Variants in PTPRN2 observed in about 807,000 individuals in gnomAD.
PTPRN2 encodes protein tyrosine phosphatase receptor type N2.
A neutral mutation model predicts 118.8 loss-of-function variants in PTPRN2; 74 were observed. The ratio of observed to expected loss-of-function variants is 0.62; its 90% confidence interval spans 0.52 to 0.76. The LOEUF (loss-of-function observed/expected upper bound fraction) is 0.76, where lower values mean the gene tolerates loss of function less well. Ranked by LOEUF, PTPRN2 falls within the 30% of genes least tolerant of loss-of-function variation. The probability of loss-of-function intolerance (pLI) is 0.00; values close to 1 mark genes in which losing one functional copy is unlikely to be tolerated. For missense variants in PTPRN2, 1,481 were observed against 1,394.4 expected, an observed-to-expected ratio of 1.06 and a Z score of -0.99; for synonymous variants, 641 against 608.0, an observed-to-expected ratio of 1.05 and a Z score of -0.80.
intron 12 of PTPRN2, among the ~76,000 whole-genome samples, chr7:157,898,399 G>T (rs1797253784): frequency 6.6e-6 from 1 of 152,188 alleles, no homozygotes; most frequent in Admixed American, 6.5e-5. Flanking sequence ...TTTTCTGAAG[G>T]CTTCTCCGTT....
intron 12 of PTPRN2, among the ~76,000 whole-genome samples, chr7:157,817,267 G>A (rs1348698282): frequency 3.9e-5 from 6 of 152,194 alleles, no homozygotes; most frequent in African/African-American, 1.2e-4. Context: ...CATTTTGCTG[G>A]TGCGCTGGGG....
chr7:158,070,987 TG>T (rs1303753047), intron 11 of PTPRN2, among the ~76,000 whole-genome samples: 1 of 111,182 alleles, frequency 9.0e-6, no homozygotes, highest in Non-Finnish European at 1.8e-5. Flanking sequence ...GTGCCCGTGG[TG>T]GTGGAGGTGC....
intron 2 of PTPRN2, among the ~76,000 whole-genome samples, chr7:158,434,248 AATACATGACAGG>A (rs1212453620): frequency 6.6e-6 from 1 of 152,186 alleles, no homozygotes. Flanking sequence ...TGTCTCTCTA[AATACATGACAGG>A]ACACACACAC....
chr7:157,794,199 C>T lies in PTPRN2; in HGVS notation c.1788+104474G>A, dbSNP rs181313956. Among the ~76,000 whole-genome samples, 5 of 148,030 alleles carry T rather than the reference C, an allele frequency of 3.4e-5. No individual in the cohort carries two copies. The East Asian group carries it at 7.9e-4, about 23-fold the overall frequency. On this transcript the variant is annotated intron_variant, in intron 12 of 22. Transcript: ENST00000389418. This position sits in a 1 kb window ranked among gnomAD's most constrained non-coding sequence, Gnocchi z 5.2. ...CGTTCTCTGCCCTGACCCGGGATCA[C>T]ACCTCCGACCCGGGCTCACACCTCC...
Position 157,560,639 on chromosome 7 carries a change from G to A in PTPRN2, c.2902+8263C>T, listed in dbSNP as rs1799141002. On this transcript the variant is annotated intron_variant, in intron 21 of 22. Transcript: ENST00000389418. The surrounding 1 kb of genome is among the most constrained non-coding windows in gnomAD (Gnocchi z 6.7). ...CACAGAAAATAAACAACACACAGCA[G>A]AGGAGGCCCTGCTCCTGCCCGACCG... Among the ~76,000 whole-genome samples the A allele has an allele frequency of 6.6e-6, 1 of 152,178 alleles. No individual in the cohort carries two copies. Among genetic ancestry groups the A allele is most frequent in the African/African-American group, 2.4e-5 (1 of 41,430 alleles).
intron 11 of PTPRN2, among the ~76,000 whole-genome samples, chr7:157,943,649 C>T (rs2128794267): frequency 6.6e-6 from 1 of 151,534 alleles, no homozygotes; most frequent in Middle Eastern, 3.4e-3. Flanking sequence ...GCCAAGGAAG[C>T]CCCCCACCCC....
intron 12 of PTPRN2, among the ~76,000 whole-genome samples, chr7:157,848,642 G>GTTCC (rs1309374829): frequency 6.6e-6 from 1 of 152,256 alleles, no homozygotes; most frequent in Non-Finnish European, 1.5e-5. Context: ...AGCTTGCCAG[G>GTTCC]AGTGAATGGG....
intron 2 of PTPRN2, among the ~76,000 whole-genome samples, chr7:158,337,489 T>G (rs62480872): frequency 1.1e-5 from 1 of 94,660 alleles, no homozygotes; most frequent in African/African-American, 3.4e-5. Context: ...AGGTGACACC[T>G]GCAGACGTCA....
intron 3 of PTPRN2, among the ~76,000 whole-genome samples, chr7:158,214,288 C>T (rs1021322538): frequency 4.6e-5 from 7 of 151,732 alleles, no homozygotes; most frequent in African/African-American, 9.7e-5. Context: ...GATGGCAATA[C>T]GAAGGCAGAG....
intron 11 of PTPRN2, among the ~76,000 whole-genome samples, chr7:158,062,614 G>A (rs929111791): frequency 1.6e-4 from 24 of 152,174 alleles, no homozygotes; most frequent in Non-Finnish European, 2.5e-4. Flanking sequence ...TGGTGCTCAC[G>A]GGCCAGCACG....
At position 158,555,666 on chromosome 7, in the gene PTPRN2, C is replaced by T. The variant is rs528212165; in HGVS notation, c.112+31892G>A. Among the ~76,000 whole-genome samples the T allele has an allele frequency of 6.6e-6, 1 of 152,348 alleles. No homozygotes were observed. The highest frequency in any genetic ancestry group is 2.4e-5 in the African/African-American group (1 of 41,568). ...GGGGCACAAGCACCGCCCGTCAACC[C>T]TTCACAGAAGCTGGCAACAGAGTCA... On this transcript the variant is annotated intron_variant, in intron 1 of 22. Transcript: ENST00000389418. This position sits in a 1 kb window ranked among gnomAD's most constrained non-coding sequence, Gnocchi z 4.7.
intron 2 of PTPRN2, among the ~76,000 whole-genome samples, chr7:158,417,174 G>C (rs577610377): frequency 3.3e-4 from 50 of 152,060 alleles, no homozygotes; most frequent in African/African-American, 1.2e-3. Flanking sequence ...TTGAGATGCT[G>C]TAGCTCTCAG....
Position 158,102,029 on chromosome 7 carries a change from G to A in PTPRN2, c.1643+8800C>T, listed in dbSNP as rs531442236. Reference sequence around the variant, plus strand: ...CAGCTGACCCTGGGGCCCCTCTCCTGTCCTGAGGATGAAGTGGTTCCTCTC... The same window carrying A: ...CAGCTGACCCTGGGGCCCCTCTCCTATCCTGAGGATGAAGTGGTTCCTCTC... On this transcript the variant is annotated intron_variant, in intron 10 of 22. Coordinates refer to ENST00000389418, the MANE Select transcript of PTPRN2 (RefSeq NM_002847.5). Among the ~76,000 whole-genome samples, 14 of 152,264 alleles carry A rather than the reference G, an allele frequency of 9.2e-5. No individual in the cohort carries two copies. The South Asian group carries it at 2.9e-3, about 32-fold the overall frequency.
intron 11 of PTPRN2, among the ~76,000 whole-genome samples, chr7:158,021,566 G>A (rs1386412749): frequency 6.6e-6 from 1 of 152,146 alleles, no homozygotes; most frequent in African/African-American, 2.4e-5. Flanking sequence ...AGAGATGGGT[G>A]CAGAAGGACA....
chr7:157,573,796 A>C (rs1799877598), intron 19 of PTPRN2, among the ~76,000 whole-genome samples: 1 of 151,942 alleles, frequency 6.6e-6, no homozygotes. Context: ...GGAAGATACC[A>C]TTTTCTCTGA....
chr7:157,670,424 G>T (rs1242642410), intron 13 of PTPRN2, among the ~76,000 whole-genome samples: 1 of 152,166 alleles, frequency 6.6e-6, no homozygotes, highest in Non-Finnish European at 1.5e-5. Context: ...TGAAAATAAA[G>T]ACATTGGAAG....
rs934058131 is a variant in PTPRN2, at chr7:158,135,921, G to A, written c.1173+734C>T. On this transcript the variant is annotated intron_variant, in intron 8 of 22. Coordinates refer to ENST00000389418, the MANE Select transcript of PTPRN2 (RefSeq NM_002847.5). ...CAATGTCACTGCTGTTGCTTAGAAC[G>A]GTTCTTCATCCTTCGGCCTTGTATT... 9.9e-5 allele frequency among the ~76,000 whole-genome samples: 15 copies of A among 152,206 alleles called. 1 individual carries two copies. Among genetic ancestry groups the A allele is most frequent in the African/African-American group, 2.9e-4 (12 of 41,450 alleles).
chr7:158,431,893 T>G (rs140172479), intron 2 of PTPRN2, among the ~76,000 whole-genome samples: 20 of 152,358 alleles, frequency 1.3e-4, no homozygotes, highest in African/African-American at 3.6e-4. Context: ...CATCATGTTA[T>G]CCGGGACCTG....
At chr7:157,842,400 A>G (rs963848657) in intron 12 of PTPRN2, among the ~76,000 whole-genome samples, 1 of 144,278 alleles carries the variant, frequency 6.9e-6, no homozygotes, top group African/African-American at 2.5e-5. Context: ...TTGTGTGCAG[A>G]TTCAGGAGAC....
Sources: allele counts gnomAD v4.1 joint callset (sites outside exome capture counted in the v4.1 genomes callset), GRCh38; gene constraint gnomAD v4.1.1; non-coding constraint Gnocchi (gnomAD v3.1); transcripts MANE v1.5; gene names NCBI Gene and HGNC (gene_info 2026-07-23, HGNC 2026-07-21).